RAPGEF6: variants seen among roughly 807,000 people sequenced by gnomAD.
The protein encoded by RAPGEF6 is PDZ domain containing guanine nucleotide exchange factor (GEF) 2.
RAPGEF6 carries 56 observed loss-of-function variants against 171.4 expected under a neutral mutation model. The observed-to-expected ratio is 0.33, with a 90% CI of 0.26 to 0.41. RAPGEF6 has a LOEUF of 0.41. Ranked by LOEUF, RAPGEF6 falls within the 10% of genes least tolerant of loss-of-function variation. The pLI is 1.00. For synonymous variants in RAPGEF6, 692 were observed against 650.1 expected (o/e 1.06, Z -0.98); for missense variants, 1,674 against 1,921.4 (o/e 0.87, Z 2.41).
chr5:131,630,670 TTACAACATGTGTCTG>T (rs745801681), intron 1 of RAPGEF6, among the ~76,000 whole-genome samples: 89 of 152,316 alleles, frequency 5.8e-4, no homozygotes, highest in Non-Finnish European at 9.6e-4. Flanking sequence ...ATGGCACACT[TTACAACATGTGTCTG>T]TACTTGATGT....
At chr5:131,622,876 C>A (rs1402647207) in intron 1 of RAPGEF6, among the ~76,000 whole-genome samples, 2 of 152,110 alleles carry the variant, frequency 1.3e-5, no homozygotes, top group South Asian at 2.1e-4. Flanking sequence ...GTGACTCACT[C>A]CAAAAATGAC....
chr5:131,472,528 A>G, intron 17 of RAPGEF6, 59 bp downstream of exon 17: 1 of 1,558,860 alleles, frequency 6.4e-7, no homozygotes, highest in Non-Finnish European at 8.8e-7. Context: ...ACAAGGCTTA[A>G]CCATCTATTT....
intron 17 of RAPGEF6, among the ~76,000 whole-genome samples, chr5:131,465,389 A>C (rs1245908541): frequency 6.6e-6 from 1 of 152,174 alleles, no homozygotes; most frequent in Non-Finnish European, 1.5e-5. Context: ...AATATTTAAT[A>C]TAATTAAATT....
At chr5:131,502,505 T>C (rs1757091632) in intron 11 of RAPGEF6, among the ~76,000 whole-genome samples, 1 of 152,198 alleles carries the variant, frequency 6.6e-6, no homozygotes, top group Non-Finnish European at 1.5e-5. Flanking sequence ...AGGTTGACAT[T>C]GTGTGCCCTC....
At chr5:131,601,983 T>C (rs1764283639) in intron 3 of RAPGEF6, among the ~76,000 whole-genome samples, 2 of 146,826 alleles carry the variant, frequency 1.4e-5, no homozygotes, top group Admixed American at 1.4e-4. Flanking sequence ...TGCAGTGAGC[T>C]GAGATTGTGC....
intron 17 of RAPGEF6, among the ~76,000 whole-genome samples, chr5:131,468,331 C>CAAAAAAA (rs397760383): frequency 2.2e-5 from 1 of 46,092 alleles, no homozygotes; most frequent in African/African-American, 8.0e-5. Context: ...GACTCCATCT[C>CAAAAAAA]AAAAAAAAAA....
At chr5:131,505,089 C>CT (rs139194563) in intron 10 of RAPGEF6, among the ~76,000 whole-genome samples, 84 of 143,672 alleles carry the variant, frequency 5.8e-4, no homozygotes, top group South Asian at 1.3e-3. Flanking sequence ...TATTTCTTTC[C>CT]TTTTTTTTTT....
rs1338707946 is a variant in RAPGEF6 at position 131,425,577 on chromosome 5, A to C, written c.*1689T>G. ...TACCTGCGATTAATTTCTAAGGCTT[A>C]AGTTTCAGATTAATGTTTCTTTACC... On this transcript the variant is annotated 3_prime_UTR_variant, in exon 28 of 28. Coordinates refer to ENST00000509018, the MANE Select transcript of RAPGEF6 (RefSeq NM_016340.6). The C allele has an allele frequency of 6.6e-6, 1 of 152,346 alleles. No homozygotes were observed. The highest frequency in any genetic ancestry group is 1.5e-5 in the Non-Finnish European group (1 of 68,036). The allele number at this position is 152,346 out of a possible 1,614,324, so 9.4% of individuals were successfully genotyped here. A position where few individuals can be genotyped will look rare whatever the true frequency, so the allele number is the denominator to read the frequency against.
chr5:131,446,500 T>C lies in RAPGEF6; in HGVS notation c.3404A>G (p.Glu1135Gly), dbSNP rs1025209256. Residue 1135 changes from glutamate (E) to glycine (G), a missense_variant, in exon 22 of 28, where the codon GAG becomes GGG. Glu to Gly is a moderately conservative substitution (Grantham distance 98, BLOSUM62 -2). Coordinates refer to ENST00000509018, the MANE Select transcript of RAPGEF6 (RefSeq NM_016340.6). ...GTACTCACAGGTACCATATGCAGGC[T>C]CCCACTGTAATGACATCATCTGGAA... ...EKFQMMSLQW[E>G]PAYGTLTKNL... 18 of 1,613,930 alleles carry C rather than the reference T, an allele frequency of 1.1e-5. No individual in the cohort carries two copies. The highest frequency in any genetic ancestry group is 1.7e-5 in the Admixed American group (1 of 59,992).
chr5:131,511,935 A>G (rs1374068861), intron 7 of RAPGEF6, among the ~76,000 whole-genome samples: 1 of 152,170 alleles, frequency 6.6e-6, no homozygotes, highest in Non-Finnish European at 1.5e-5. Flanking sequence ...ACACAATTAG[A>G]TCTGGAAGCA....
At chr5:131,618,836 C>T (rs981798491) in intron 1 of RAPGEF6, among the ~76,000 whole-genome samples, 4 of 151,846 alleles carry the variant, frequency 2.6e-5, no homozygotes, top group African/African-American at 9.7e-5. Context: ...TGCAGATGAT[C>T]CTATTTAGTA....
At position 131,510,194 on chromosome 5, in the gene RAPGEF6, C is replaced by T. The variant is rs1015663967; in HGVS notation, c.805+120G>A. The T allele has an allele frequency of 1.6e-5, 18 of 1,113,418 alleles. No individual in the cohort carries two copies. The African/African-American group carries it at 2.9e-4, about 18-fold the overall frequency. 69.0% of individuals were successfully genotyped at this position (1,113,418 alleles called of 1,614,324 possible). A position where few individuals can be genotyped will look rare whatever the true frequency, so the allele number is the denominator to read the frequency against. On this transcript the variant is annotated intron_variant, in intron 8 of 27. Coordinates refer to ENST00000509018, the MANE Select transcript of RAPGEF6 (RefSeq NM_016340.6). ...CTCCTAAATTTGACTCACAAAAACT[C>T]TAAGATAATGGCTTAACACAACACA...
intron 16 of RAPGEF6, among the ~76,000 whole-genome samples, chr5:131,473,408 G>C (rs188741824): frequency 1.3e-5 from 2 of 151,968 alleles, no homozygotes; most frequent in East Asian, 3.9e-4. Flanking sequence ...ATGTGACATA[G>C]GCAACTTCTA....
At chr5:131,597,669 A>G (rs1329022900) in intron 3 of RAPGEF6, among the ~76,000 whole-genome samples, 1 of 152,144 alleles carries the variant, frequency 6.6e-6, no homozygotes, top group Non-Finnish European at 1.5e-5. Flanking sequence ...ATACCATAGA[A>G]GTGGAGTAGA....
intron 17 of RAPGEF6, among the ~76,000 whole-genome samples, chr5:131,466,376 GTTTTTAAAC>G (rs1754347529): frequency 6.6e-6 from 1 of 152,128 alleles, no homozygotes. Context: ...ACATCATCAG[GTTTTTAAAC>G]CTACAAGACT....
intron 6 of RAPGEF6, among the ~76,000 whole-genome samples, chr5:131,543,259 G>A (rs1013112456): frequency 1.3e-5 from 2 of 152,072 alleles, no homozygotes; most frequent in Admixed American, 1.3e-4. Context: ...CAGGGCTAGC[G>A]ATAGGGCAAC....
chr5:131,562,089 A>G (rs773020964), intron 4 of RAPGEF6, 42 bp from the exon 5 acceptor site: 1 of 1,301,908 alleles, frequency 7.7e-7, no homozygotes, highest in South Asian at 1.3e-5. Context: ...AAGGTTATTA[A>G]TAAAATATAT....
chr5:131,463,486 G>A, intron 18 of RAPGEF6: 1 of 175,490 alleles, frequency 5.7e-6, no homozygotes, highest in South Asian at 1.9e-4. Flanking sequence ...GGCTGAGGCA[G>A]GAGAACCGCT....
At chr5:131,519,659 C>T (rs3776016) in intron 7 of RAPGEF6, among the ~76,000 whole-genome samples, 99,236 of 151,958 alleles carry the variant, frequency 0.65, 33,668 homozygotes, top group Non-Finnish European at 0.77. Flanking sequence ...GCCTAGGCCT[C>T]CCATCCTATA....
Sources: gnomAD v4.1 joint callset for allele counts (sites outside exome capture counted in the v4.1 genomes callset) on GRCh38, gnomAD v4.1.1 for gene constraint, MANE v1.5 for transcripts, NCBI Gene and HGNC (gene_info 2026-07-23, HGNC 2026-07-21) for gene names.